Variants in NETO2 observed in about 807,000 individuals in gnomAD.
NETO2 encodes neuropilin and tolloid like 2.
A neutral mutation model predicts 62.5 loss-of-function variants in NETO2; 28 were observed. That is an observed-to-expected ratio of 0.45 (90% CI 0.33 to 0.61). NETO2 has a LOEUF of 0.61. Ranked by LOEUF, NETO2 falls within the 20% of genes least tolerant of loss-of-function variation. The pLI is 0.02. For missense variants in NETO2, 548 were observed against 643.2 expected (o/e 0.85, Z 1.60); for synonymous variants, 214 against 219.1 (o/e 0.98, Z 0.21).
chr16:47,121,352 T>C (rs1404045878), intron 6 of NETO2, among the ~76,000 whole-genome samples: 1 of 152,152 alleles, frequency 6.6e-6, no homozygotes, highest in African/African-American at 2.4e-5. Flanking sequence ...ACCCTGCAGC[T>C]TTCTTGGTGA....
At chr16:47,105,013 C>G (rs1963640391) in intron 7 of NETO2, among the ~76,000 whole-genome samples, 1 of 149,082 alleles carries the variant, frequency 6.7e-6, no homozygotes, top group Non-Finnish European at 1.5e-5. Flanking sequence ...AGCCACTGTG[C>G]CTGGCCTTTT....
intron 7 of NETO2, among the ~76,000 whole-genome samples, chr16:47,102,224 T>C (rs1963563713): frequency 6.6e-6 from 1 of 152,212 alleles, no homozygotes; most frequent in Non-Finnish European, 1.5e-5. Context: ...GAAATCTGGC[T>C]AGCCATATGC....
chr16:47,141,629 C>G (rs1964462660), intron 1 of NETO2, among the ~76,000 whole-genome samples: 1 of 152,180 alleles, frequency 6.6e-6, no homozygotes, highest in Admixed American at 6.5e-5. Flanking sequence ...CAAGTTGATA[C>G]CACAGACGAC....
chr16:47,126,795 G>A (rs889383252), intron 4 of NETO2, among the ~76,000 whole-genome samples: 1 of 152,128 alleles, frequency 6.6e-6, no homozygotes, highest in Non-Finnish European at 1.5e-5. Context: ...ATTAGACAAT[G>A]TTTACTTTTT....
In NETO2 at chr16:47,143,559, G is replaced by T; in HGVS notation, c.34+20C>A. On this transcript the variant is annotated intron_variant, in intron 1 of 8. Coordinates refer to ENST00000562435, the MANE Select transcript of NETO2 (RefSeq NM_018092.5). ...CGGCCCGCAGGGGGCGCCGTCCGTG[G>T]CCCCAGCCCCGGTCCTTACCTTTGA... 1.6e-6 allele frequency: 2 copies of T among 1,223,212 alleles called. No homozygotes were observed. The highest frequency in any genetic ancestry group is 1.0e-6 in the Non-Finnish European group (1 of 979,174). The allele number at this position is 1,223,212 out of a possible 1,614,324, so 75.8% of individuals were successfully genotyped here. A position where few individuals can be genotyped will look rare whatever the true frequency, so the allele number is the denominator to read the frequency against.
In NETO2 at chr16:47,122,895, G is replaced by A. The variant is rs1337146224; in HGVS notation, c.499C>T (p.Leu167=). The A allele has an allele frequency of 1.2e-6, 2 of 1,613,556 alleles. No individual in the cohort carries two copies. The highest frequency in any genetic ancestry group is 2.2e-5 in the East Asian group (1 of 44,882). ...SFIPDPDFTY[L]GGILNPIPDC... ...GGAATGGGATTTAAAATACCTCCTA[G>A]GTAAGTAAAGTCTGGATCTGTAACA... The change falls in exon 5 of 9, where the codon CTA becomes TTA. Residue 167 remains leucine (L), a synonymous_variant. Coordinates refer to ENST00000562435, the MANE Select transcript of NETO2 (RefSeq NM_018092.5).
intron 8 of NETO2, 117 bp downstream of exon 8, chr16:47,086,109 C>T: frequency 2.7e-6 from 2 of 727,888 alleles, no homozygotes; most frequent in South Asian, 1.5e-5. Flanking sequence ...CCGTCTCAAA[C>T]AAACAAACAA....
chr16:47,137,987 AC>A (rs2151495296), intron 1 of NETO2, among the ~76,000 whole-genome samples: 1 of 152,284 alleles, frequency 6.6e-6, no homozygotes, highest in African/African-American at 2.4e-5. Flanking sequence ...TTCCAAGGTC[AC>A]CCTATGGTCC....
At chr16:47,136,301 G>C (rs1325779577) in intron 1 of NETO2, among the ~76,000 whole-genome samples, 1 of 152,120 alleles carries the variant, frequency 6.6e-6, no homozygotes, top group African/African-American at 2.4e-5. Flanking sequence ...TCACTTCCTG[G>C]TGGCAATGAA....
chr16:47,138,821 T>G (rs1443818069), intron 1 of NETO2, among the ~76,000 whole-genome samples: 2 of 152,214 alleles, frequency 1.3e-5, no homozygotes, highest in African/African-American at 4.8e-5. Flanking sequence ...CTATGTGACC[T>G]GGAGCCTGCG....
intron 1 of NETO2, among the ~76,000 whole-genome samples, chr16:47,139,541 C>T (rs956914843): frequency 6.6e-6 from 1 of 152,152 alleles, no homozygotes; most frequent in Non-Finnish European, 1.5e-5. Flanking sequence ...TGCTCATTAC[C>T]ATTTCCTATA....
At chr16:47,097,933 C>T (rs557818073) in intron 7 of NETO2, among the ~76,000 whole-genome samples, 1 of 152,266 alleles carries the variant, frequency 6.6e-6, no homozygotes, top group Admixed American at 6.5e-5. Flanking sequence ...CGCAGAGGGG[C>T]CTGACTGTTA....
chr16:47,128,324 C>T lies in NETO2; in HGVS notation c.481+1G>A, dbSNP rs1397139519. The T allele has an allele frequency of 6.2e-7, 1 of 1,611,738 alleles. No individual in the cohort carries two copies. Among genetic ancestry groups the T allele is most frequent in the Non-Finnish European group, 8.5e-7 (1 of 1,178,950 alleles). On this transcript the variant is annotated splice_donor_variant, in intron 4 of 8. Transcript: ENST00000562435. LOFTEE classifies it high-confidence loss of function. ...CACTTAAAAGATAACTTATTCTTTA[C>T]CTGGAATAAATGAATATTTTGCTCG...
chr16:47,093,162 A>G (rs1318517917), intron 7 of NETO2, among the ~76,000 whole-genome samples: 1 of 152,248 alleles, frequency 6.6e-6, no homozygotes, highest in East Asian at 1.9e-4. Context: ...GATTTTTTTC[A>G]AAGGGCTTCA....
chr16:47,128,109 C>A (rs2151489619), intron 4 of NETO2, among the ~76,000 whole-genome samples: 1 of 152,334 alleles, frequency 6.6e-6, no homozygotes, highest in South Asian at 2.1e-4. Flanking sequence ...GTGGCACCAT[C>A]TCTGATATGC....
intron 3 of NETO2, 62 bp downstream of exon 3, chr16:47,129,162 C>T (rs1964214510): frequency 6.6e-7 from 1 of 1,508,598 alleles, no homozygotes; most frequent in Non-Finnish European, 9.2e-7. Context: ...GGTCATTTTA[C>T]CAACATATTT....
chr16:47,088,899 A>T (rs564099082), intron 7 of NETO2, among the ~76,000 whole-genome samples: 35 of 152,338 alleles, frequency 2.3e-4, no homozygotes, highest in African/African-American at 8.2e-4. Context: ...GTACCTAGAT[A>T]ACTCCAAAAC....
intron 7 of NETO2, among the ~76,000 whole-genome samples, chr16:47,104,731 T>C (rs1963633888): frequency 6.6e-6 from 1 of 152,210 alleles, no homozygotes; most frequent in South Asian, 2.1e-4. Context: ...ATAATTTCTT[T>C]TTTTTTTGGA....
intron 7 of NETO2, among the ~76,000 whole-genome samples, chr16:47,104,434 C>T (rs569169313): frequency 6.6e-6 from 1 of 152,154 alleles, no homozygotes; most frequent in African/African-American, 2.4e-5. Flanking sequence ...AGACTTCATA[C>T]AGTTAAGATG....
Sources: gnomAD v4.1 joint callset for allele counts (sites outside exome capture counted in the v4.1 genomes callset) on GRCh38, gnomAD v4.1.1 for gene constraint, MANE v1.5 for transcripts, NCBI Gene and HGNC (gene_info 2026-07-23, HGNC 2026-07-21) for gene names.